Variants in SAE1 observed in about 807,000 individuals in gnomAD.
SAE1 encodes SUMO-activating enzyme subunit 1.
A neutral mutation model predicts 40.6 loss-of-function variants in SAE1; 11 were observed. The ratio of observed to expected loss-of-function variants is 0.27; its 90% CI spans 0.17 to 0.45. SAE1 has a LOEUF of 0.45. Ranked by LOEUF, SAE1 falls within the 20% of genes least tolerant of loss-of-function variation. The pLI is 1.00. For missense variants in SAE1, 373 were observed against 427.3 expected, an observed-to-expected ratio of 0.87 and a Z score of 1.12; for synonymous variants, 155 against 154.3, an observed-to-expected ratio of 1.00 and a Z score of -0.03.
intron 6 of SAE1, among the ~76,000 whole-genome samples, chr19:47,172,854 A>G (rs1053254307): frequency 7.2e-5 from 11 of 151,934 alleles, no homozygotes; most frequent in Admixed American, 2.6e-4. Flanking sequence ...GGCGTTTTCC[A>G]TGTATATCAC....
intron 3 of SAE1, among the ~76,000 whole-genome samples, chr19:47,150,913 G>A (rs1325192815): frequency 6.6e-6 from 1 of 152,176 alleles, no homozygotes; most frequent in Non-Finnish European, 1.5e-5. Flanking sequence ...GTAGTCGTAA[G>A]TCAAATGAGG....
chr19:47,143,015 T>C (rs1382875008), intron 1 of SAE1, among the ~76,000 whole-genome samples: 1 of 152,190 alleles, frequency 6.6e-6, no homozygotes. Context: ...TCAATAAATA[T>C]TTGTTGAATG....
intron 7 of SAE1, among the ~76,000 whole-genome samples, chr19:47,200,399 A>ATTTTTTTTTTTTTTTTTTTTTT (rs35657499): frequency 9.8e-6 from 1 of 102,560 alleles, no homozygotes; most frequent in African/African-American, 4.2e-5. Context: ...AGCCTGCCTA[A>ATTTTTTTTTTTTTTTTTTTTTT]TTTTTTTTTT....
At position 47,143,475 on chromosome 19, in the gene SAE1, A is replaced by G. The variant is rs888814361; in HGVS notation, c.99-19A>G. 1 of 1,584,026 alleles carries G rather than the reference A, an allele frequency of 6.3e-7. No homozygotes were observed. The highest frequency in any genetic ancestry group is 1.7e-4 in the Middle Eastern group (1 of 5,978). On this transcript the variant is annotated intron_variant, in intron 1 of 8. Transcript: ENST00000270225. ...GCTCACTGTTCTGTATCATCAGGTT[A>G]ACAATGTTTGTCTTACAGGCTGCGG...
intron 1 of SAE1, among the ~76,000 whole-genome samples, chr19:47,136,682 C>T (rs1037481888): frequency 1.3e-5 from 2 of 151,996 alleles, no homozygotes; most frequent in African/African-American, 2.4e-5. Flanking sequence ...TTAGTAGAGA[C>T]GGGATTCCTC....
intron 7 of SAE1, among the ~76,000 whole-genome samples, chr19:47,198,613 A>G (rs984789796): frequency 6.6e-6 from 1 of 152,224 alleles, no homozygotes; most frequent in African/African-American, 2.4e-5. Context: ...AGGTATCATT[A>G]CAGTGCTTGC....
chr19:47,162,924 GT>G, intron 5 of SAE1, among the ~76,000 whole-genome samples: 1 of 152,132 alleles, frequency 6.6e-6, no homozygotes, highest in East Asian at 1.9e-4. Context: ...CCTGGCAAGT[GT>G]AGGCAGCAGT....
At chr19:47,194,560 G>C (rs1193289663) in intron 6 of SAE1, among the ~76,000 whole-genome samples, 1 of 152,178 alleles carries the variant, frequency 6.6e-6, no homozygotes, top group Non-Finnish European at 1.5e-5. Context: ...CCATGTCTCT[G>C]TGTCTGTTCT....
intron 6 of SAE1, among the ~76,000 whole-genome samples, chr19:47,172,494 G>A (rs2058440750): frequency 6.6e-6 from 1 of 152,102 alleles, no homozygotes. Context: ...TTTGACTTGA[G>A]CATCTCTAAC....
intron 4 of SAE1, among the ~76,000 whole-genome samples, chr19:47,154,601 TCTC>T (rs2058309247): frequency 7.0e-6 from 1 of 142,602 alleles, no homozygotes. Flanking sequence ...GTCAACCAAT[TCTC>T]CTGCCTCAGC....
rs572059034 is a variant in SAE1 at position 47,141,163 on chromosome 19, G to C, written c.99-2331G>C. ...ACTACAGGCGCCTGCCACCACGCCT[G>C]GCTAATTTTTGTATTTTCTGTAGAG... On this transcript the variant is annotated intron_variant, in intron 1 of 8. Coordinates refer to ENST00000270225, the MANE Select transcript of SAE1 (RefSeq NM_005500.3). Among the ~76,000 whole-genome samples, 18 of 152,242 alleles carry C rather than the reference G, an allele frequency of 1.2e-4. No homozygotes were observed. In the East Asian group the frequency reaches 3.5e-3, roughly 29 times the overall value.
intron 8 of SAE1, among the ~76,000 whole-genome samples, chr19:47,205,842 C>T (rs2058684067): frequency 6.6e-6 from 1 of 152,170 alleles, no homozygotes; most frequent in Admixed American, 6.5e-5. Flanking sequence ...AGATGCTTGC[C>T]CAGGCTAGTG....
chr19:47,160,260 C>T (rs1486854999), intron 5 of SAE1, among the ~76,000 whole-genome samples: 1 of 119,282 alleles, frequency 8.4e-6, no homozygotes, highest in Non-Finnish European at 1.6e-5. Flanking sequence ...CTCACTCTAT[C>T]ACCCAAGCTG....
At chr19:47,169,395 G>A (rs1412793388) in intron 5 of SAE1, among the ~76,000 whole-genome samples, 4 of 152,046 alleles carry the variant, frequency 2.6e-5, no homozygotes, top group East Asian at 3.9e-4. Context: ...ACAGGCGGCC[G>A]CCAGCATGCC....
At chr19:47,167,388 T>C (rs373558502) in intron 5 of SAE1, among the ~76,000 whole-genome samples, 2 of 151,912 alleles carry the variant, frequency 1.3e-5, no homozygotes, top group African/African-American at 4.8e-5. Context: ...TGCAGGTGCC[T>C]GCCACCACGC....
At chr19:47,153,788 A>G (rs79805310) in intron 4 of SAE1, among the ~76,000 whole-genome samples, 2,129 of 151,986 alleles carry the variant, frequency 0.014, 107 homozygotes, top group Admixed American at 0.097. Flanking sequence ...GCATATTATT[A>G]TTATTATTAT....
intron 1 of SAE1, among the ~76,000 whole-genome samples, chr19:47,140,436 G>C (rs1438880332): frequency 1.3e-5 from 2 of 151,962 alleles, no homozygotes; most frequent in Non-Finnish European, 1.5e-5. Flanking sequence ...AATTTTAGTA[G>C]AGATGGGGTT....
At chr19:47,133,434 A>G (rs1018243559) in intron 1 of SAE1, among the ~76,000 whole-genome samples, 1 of 152,130 alleles carries the variant, frequency 6.6e-6, no homozygotes, top group African/African-American at 2.4e-5. Context: ...ACCATGTTAG[A>G]CAGGATAGTC....
At chr19:47,136,614 G>A (rs991079865) in intron 1 of SAE1, among the ~76,000 whole-genome samples, 2 of 150,792 alleles carry the variant, frequency 1.3e-5, no homozygotes, top group African/African-American at 4.9e-5. Flanking sequence ...TTCTGGTTCA[G>A]CCTCCCAAGT....
Sources: gnomAD v4.1 joint callset for allele counts (sites outside exome capture counted in the v4.1 genomes callset) on GRCh38, gnomAD v4.1.1 for gene constraint, MANE v1.5 for transcripts, NCBI Gene and HGNC (gene_info 2026-07-23, HGNC 2026-07-21) for gene names.